LRRK1: variants seen among roughly 807,000 people sequenced by gnomAD.
LRRK1 encodes the protein leucine-rich repeat serine/threonine-protein kinase 1.
In LRRK1, 113 loss-of-function variants were observed where a neutral mutation model predicts 209.1. The ratio of observed to expected loss-of-function variants is 0.54; its 90% confidence interval spans 0.46 to 0.63. LRRK1 has a LOEUF of 0.63. Ranked by LOEUF, LRRK1 falls within the 30% of genes least tolerant of loss-of-function variation. The pLI is 0.00. For synonymous variants in LRRK1, 1,144 were observed against 1,099.7 expected, an observed-to-expected ratio of 1.04 and a Z score of -0.80; for missense variants, 2,284 against 2,632.2, an observed-to-expected ratio of 0.87 and a Z score of 2.89.
chr15:100,943,973 C>G (rs1434289537), intron 2 of LRRK1, among the ~76,000 whole-genome samples: 1 of 152,094 alleles, frequency 6.6e-6, no homozygotes, highest in Non-Finnish European at 1.5e-5. Flanking sequence ...CCACCACACC[C>G]GGTCGTGATC....
chr15:101,028,910 G>A lies in LRRK1; in HGVS notation c.2687-46G>A, dbSNP rs373749358. The A allele has an allele frequency of 3.8e-4, 608 of 1,596,678 alleles. 3 individuals are homozygous for A. The highest frequency in any genetic ancestry group is 1.6e-3 in the Admixed American group (96 of 58,572). On this transcript the variant is annotated intron_variant, in intron 19 of 33. Transcript: ENST00000388948. The stretch of plus-strand genomic sequence containing the variant: ...AGAGGGCCACCCCAGAGTCCCTTTC[G>A]CTCCTTTGTCTAACTGCTGCTTCCT...
At chr15:100,959,765 A>C (rs963751328) in intron 2 of LRRK1, among the ~76,000 whole-genome samples, 1 of 152,210 alleles carries the variant, frequency 6.6e-6, no homozygotes, top group Admixed American at 6.5e-5. Flanking sequence ...TAATATTCAG[A>C]CATCTTAAAT....
At chr15:101,025,141 G>A (rs762927843) in intron 16 of LRRK1, among the ~76,000 whole-genome samples, 174 bp downstream of exon 16, 3 of 152,210 alleles carry the variant, frequency 2.0e-5, no homozygotes, top group Non-Finnish European at 2.9e-5. Flanking sequence ...ACCTTCCTCT[G>A]CTGAGGGCTG....
chr15:101,049,491 G>A (rs562371750), intron 22 of LRRK1, 153 bp from the exon 23 acceptor site: 17 of 801,110 alleles, frequency 2.1e-5, no homozygotes, highest in Admixed American at 5.6e-5. Flanking sequence ...CCACGCACAC[G>A]TACATACAGG....
At chr15:101,041,368 A>G (rs1205878807) in intron 20 of LRRK1, among the ~76,000 whole-genome samples, 1 of 152,230 alleles carries the variant, frequency 6.6e-6, no homozygotes, top group Admixed American at 6.5e-5. Flanking sequence ...ATCATAATTA[A>G]TTATATGGTT....
chr15:101,006,362 G>C (rs112597993), intron 6 of LRRK1, among the ~76,000 whole-genome samples: 1 of 122,328 alleles, frequency 8.2e-6, no homozygotes, highest in Non-Finnish European at 1.6e-5. Flanking sequence ...TTAATGCAAC[G>C]ACAATGTGAT....
chr15:101,021,946 T>C lies in LRRK1; in HGVS notation c.1841T>C (p.Ile614Thr), dbSNP rs767970862. 2 of 1,612,876 alleles carry C rather than the reference T, an allele frequency of 1.2e-6. No individual in the cohort carries two copies. The highest frequency in any genetic ancestry group is 2.2e-5 in the South Asian group (2 of 91,016). ...ACCATCAGCAATGTGCCTGCAGAAATCCAAAAAGAAGGTAGGGCTTCCGCA... is the reference window on the plus strand; with the variant it reads ...ACCATCAGCAATGTGCCTGCAGAAACCCAAAAAGAAGGTAGGGCTTCCGCA... The part of the protein sequence containing the change: ...DLTISNVPAE[I>T]QKEGPKAMLS... The change falls in exon 14 of 34, where the codon ATC becomes ACC. Residue 614 changes from isoleucine (I) to threonine (T), a missense_variant. Physicochemically the swap from Ile to Thr is moderately conservative, Grantham distance 89. Coordinates refer to ENST00000388948, the MANE Select transcript of LRRK1 (RefSeq NM_024652.6).
intron 6 of LRRK1, among the ~76,000 whole-genome samples, chr15:101,004,393 T>C (rs1027340210): frequency 1.3e-5 from 2 of 152,028 alleles, no homozygotes; most frequent in Non-Finnish European, 2.9e-5. Context: ...TCAGGATGAT[T>C]GATCTGGTAA....
chr15:101,048,470 C>T (rs937213480), intron 21 of LRRK1, 24 bp from the exon 22 acceptor site: 3 of 1,596,446 alleles, frequency 1.9e-6, no homozygotes, highest in Admixed American at 1.8e-5. Flanking sequence ...AATACTTAAG[C>T]AGGGTCTTTT....
At chr15:101,017,270 C>T (rs1433528391) in intron 12 of LRRK1, among the ~76,000 whole-genome samples, 1 of 152,180 alleles carries the variant, frequency 6.6e-6, no homozygotes, top group Non-Finnish European at 1.5e-5. Context: ...AGGGAGTTTG[C>T]CGCTGCTACG....
chr15:101,051,566 G>A lies in LRRK1; in HGVS notation c.3440-145G>A, dbSNP rs150548363. 1.5e-4 allele frequency: 157 copies of A among 1,026,036 alleles called. 1 individual carries two copies. In the East Asian group the frequency reaches 3.8e-3, roughly 25 times the overall value. The allele number at this position is 1,026,036 out of a possible 1,614,324, so 63.6% of individuals were successfully genotyped here. A position where few individuals can be genotyped will look rare whatever the true frequency, so the allele number is the denominator to read the frequency against. On this transcript the variant is annotated intron_variant, in intron 23 of 33. Transcript: ENST00000388948. ...AAAAAGGCACCCGAATGTGGCAGTG[G>A]GTTTCAGCCTGTCTCTTGGGTACAG...
chr15:101,050,019 C>T (rs546524994), intron 23 of LRRK1, among the ~76,000 whole-genome samples: 18 of 152,122 alleles, frequency 1.2e-4, no homozygotes, highest in Non-Finnish European at 2.2e-4. Flanking sequence ...TGCAGGGAAG[C>T]GGCCTGCCAG....
At chr15:100,920,759 CTG>C (rs1402676205) in intron 1 of LRRK1, among the ~76,000 whole-genome samples, 1 of 151,250 alleles carries the variant, frequency 6.6e-6, no homozygotes, top group Non-Finnish European at 1.5e-5. Context: ...CTGTGTGTGT[CTG>C]TGTGTTTAAA....
Position 100,991,497 on chromosome 15 carries a change from C to A in LRRK1, c.762+2099C>A, listed in dbSNP as rs374521973. On this transcript the variant is annotated intron_variant, in intron 6 of 33. Transcript: ENST00000388948. Reference sequence around the variant, plus strand: ...ATGAACTATCTATATATTTATATAACTCTTTTCCATTTCTATTCCAACCTG... The same window carrying A: ...ATGAACTATCTATATATTTATATAAATCTTTTCCATTTCTATTCCAACCTG... Among the ~76,000 whole-genome samples the A allele has an allele frequency of 1.5e-4, 23 of 152,190 alleles. 2 individuals carry two copies. Among genetic ancestry groups the A allele is most frequent in the Admixed American group, 7.2e-4 (11 of 15,292 alleles).
intron 13 of LRRK1, 43 bp from the exon 14 acceptor site, chr15:101,021,801 TG>T (rs751865864): frequency 2.2e-5 from 24 of 1,107,214 alleles, no homozygotes; most frequent in Admixed American, 9.0e-5. Context: ...TGTGTGTGTG[TG>T]TGTGTGTGTG....
At chr15:101,032,370 C>T (rs1055255511) in intron 20 of LRRK1, among the ~76,000 whole-genome samples, 16 of 151,902 alleles carry the variant, frequency 1.1e-4, no homozygotes, top group Non-Finnish European at 1.6e-4. Flanking sequence ...CCATATTGTG[C>T]TGCACCCATT....
Position 101,022,426 on chromosome 15 carries a change from A to G in LRRK1, c.1896A>G (p.Lys632=), listed in dbSNP as rs41381646. 0.013 allele frequency: 20,236 copies of G among 1,614,202 alleles called. 418 individuals carry two copies. Among genetic ancestry groups the G allele is most frequent in the African/African-American group, 0.092 (6,873 of 75,034 alleles). Reference sequence around the variant, plus strand: ...CTTACCTGCGTGCTCAGCTGCGGAAAGCGGAAAAGTGCAAGCTGATGAAGA... The same window carrying G: ...CTTACCTGCGTGCTCAGCTGCGGAAGGCGGAAAAGTGCAAGCTGATGAAGA... ...MLSYLRAQLR[K]AEKCKLMKMI... The change falls in exon 15 of 34, where the codon AAA becomes AAG. Residue 632 remains lysine (K), a synonymous_variant. Coordinates refer to ENST00000388948, the MANE Select transcript of LRRK1 (RefSeq NM_024652.6). This position sits in a 1 kb window ranked among gnomAD's most constrained non-coding sequence, Gnocchi z 4.0.
At chr15:100,930,390 A>C (rs78959317) in intron 2 of LRRK1, among the ~76,000 whole-genome samples, 1,725 of 152,246 alleles carry the variant, frequency 0.011, 14 homozygotes, top group Middle Eastern at 0.034. Context: ...GTCCACAGGG[A>C]GAGCTGCCCC....
Position 101,010,533 on chromosome 15 carries a change from CA to C in LRRK1, c.1074del (p.Ala359LeufsTer6). On this transcript the variant is annotated frameshift_variant, in exon 8 of 34. Coordinates refer to ENST00000388948, the MANE Select transcript of LRRK1 (RefSeq NM_024652.6). LOFTEE classifies it high-confidence loss of function. ...FLHLSKLQKL[T>X]ASKNCLEKLF... ...CACCTCTCAAAACTTCAAAAACTGA[CA>C]GCTTCAAAAAATTGTTTAGAAAAAT... is the stretch of plus-strand genomic sequence containing the variant. The C allele has an allele frequency of 6.2e-7, 1 of 1,612,214 alleles. No homozygotes were observed. Among genetic ancestry groups the C allele is most frequent in the Non-Finnish European group, 8.5e-7 (1 of 1,179,554 alleles).
Sources: gnomAD v4.1 joint callset for allele counts (sites outside exome capture counted in the v4.1 genomes callset) on GRCh38, gnomAD v4.1.1 for gene constraint, Gnocchi (gnomAD v3.1) non-coding constraint, MANE v1.5 for transcripts, NCBI Gene and HGNC (gene_info 2026-07-23, HGNC 2026-07-21) for gene names.